TK2: variants seen among roughly 807,000 people sequenced by gnomAD.
The protein encoded by TK2 is thymidine kinase 2, mitochondrial.
In TK2, 35 loss-of-function variants were observed where a neutral mutation model predicts 41.9. That is an observed-to-expected ratio of 0.84 (90% CI 0.64 to 1.11). The LOEUF (loss-of-function observed/expected upper bound fraction) is 1.11, where lower values mean the gene tolerates loss of function less well. TK2 is among the 50% of genes least tolerant of loss of function. The pLI is 0.00. For missense variants in TK2, 320 were observed against 351.1 expected (o/e 0.91, Z 0.71); for synonymous variants, 128 against 129.1 (o/e 0.99, Z 0.06).
rs750173008 is a variant in TK2, at chr16:66,531,378, A to T, written c.375+2T>A. Reference sequence around the variant, plus strand: ...GGCTGAAACTGAGCATCTGAAACCTACCTGAGGACGAGTATGCCTGTCCAG... The same window carrying T: ...GGCTGAAACTGAGCATCTGAAACCTTCCTGAGGACGAGTATGCCTGTCCAG... On this transcript the variant is annotated splice_donor_variant, in intron 5 of 9. Transcript: ENST00000544898. LOFTEE classifies it high-confidence loss of function. 1 of 1,614,166 alleles carries T rather than the reference A, an allele frequency of 6.2e-7. No individual in the cohort carries two copies. The highest frequency in any genetic ancestry group is 1.7e-5 in the Admixed American group (1 of 60,022).
At chr16:66,519,765 G>T (rs1964725104) in intron 6 of TK2, among the ~76,000 whole-genome samples, 3 of 152,208 alleles carry the variant, frequency 2.0e-5, no homozygotes, top group Admixed American at 1.3e-4. Context: ...CTCAGAGCTG[G>T]GTTCGGCAAG....
At position 66,517,827 on chromosome 16, in the gene TK2, C is replaced by T; in HGVS notation, c.500G>A (p.Trp167Ter). Residue 167 changes from tryptophan (W) to a stop codon, truncating the protein, a stop_gained, in exon 7 of 10, where the codon TGG becomes TAG. Transcript: ENST00000544898. LOFTEE classifies it high-confidence loss of function. This position sits in a 1 kb window ranked among gnomAD's most constrained non-coding sequence, Gnocchi z 4.3. ...AGACACGTCCATGTTCCTCAAGATC[C>T]AGTCAAACCATTCCGACAGAACTAC... ...DYVVLSEWFD[W>*]ILRNMDVSVD... 6.2e-7 allele frequency: 1 copy of T among 1,614,188 alleles called. No homozygotes were observed. The highest frequency in any genetic ancestry group is 8.5e-7 in the Non-Finnish European group (1 of 1,180,016).
intron 6 of TK2, among the ~76,000 whole-genome samples, chr16:66,527,055 T>C (rs560265189): frequency 1.3e-5 from 2 of 152,272 alleles, no homozygotes; most frequent in Admixed American, 1.3e-4. Flanking sequence ...GTCCTGCCTG[T>C]CCTCCCTCTG....
At position 66,510,449 on chromosome 16, in the gene TK2, T is replaced by G. The variant is rs1017948654; in HGVS notation, c.*1519A>C. On this transcript the variant is annotated 3_prime_UTR_variant, in exon 10 of 10. Transcript: ENST00000544898. ...TGGCTGCTGCCTCTCATCCTGCCAA[T>G]GGCACAAGAACTGGTCCAAACAGGA... The G allele has an allele frequency of 6.6e-6, 1 of 152,256 alleles. No individual in the cohort carries two copies. The highest frequency in any genetic ancestry group is 2.4e-5 in the African/African-American group (1 of 41,460). The allele number at this position is 152,256 out of a possible 1,614,324, so 9.4% of individuals were successfully genotyped here. A position where few individuals can be genotyped will look rare whatever the true frequency, so the allele number is the denominator to read the frequency against.
intron 9 of TK2, among the ~76,000 whole-genome samples, chr16:66,512,645 T>C (rs1157095449): frequency 3.3e-5 from 5 of 152,042 alleles, no homozygotes; most frequent in Non-Finnish European, 4.4e-5. Context: ...TATCCAGGCA[T>C]GGTGGCATGC....
At chr16:66,518,068 A>G in intron 6 of TK2, 191 bp from the exon 7 acceptor site, 1 of 645,058 alleles carries the variant, frequency 1.6e-6, no homozygotes, top group Non-Finnish European at 2.8e-6. Flanking sequence ...GCTGCCTGGG[A>G]GCGGCTTATG....
chr16:66,515,076 A>G (rs1293258403), intron 8 of TK2, among the ~76,000 whole-genome samples: 5 of 151,960 alleles, frequency 3.3e-5, no homozygotes, highest in Admixed American at 3.3e-4. Context: ...ACCTTTGTTC[A>G]CATGTTTATC....
At chr16:66,534,283 C>T (rs1232576978) in intron 4 of TK2, among the ~76,000 whole-genome samples, 1 of 152,176 alleles carries the variant, frequency 6.6e-6, no homozygotes, top group Non-Finnish European at 1.5e-5. Flanking sequence ...AAATAAATTA[C>T]TTTTCTTTGG....
chr16:66,519,866 C>T (rs1005380154), intron 6 of TK2, among the ~76,000 whole-genome samples: 19 of 152,044 alleles, frequency 1.2e-4, no homozygotes, highest in African/African-American at 4.1e-4. Context: ...TCCAGTCCCA[C>T]GAGGGGATGA....
In TK2 at chr16:66,517,713, T is replaced by C; in HGVS notation, c.538+76A>G. Reference sequence around the variant, plus strand: ...GTGCCTCACCCACTGCCCCCAAGGGTTGGGGCCCAGCCAAGCACATCCTCA... The same window carrying C: ...GTGCCTCACCCACTGCCCCCAAGGGCTGGGGCCCAGCCAAGCACATCCTCA... On this transcript the variant is annotated intron_variant, in intron 7 of 9. Transcript: ENST00000544898. The surrounding 1 kb of genome is among the most constrained non-coding windows in gnomAD (Gnocchi z 4.3). The C allele has an allele frequency of 7.0e-7, 1 of 1,435,814 alleles. No individual in the cohort carries two copies. Among genetic ancestry groups the C allele is most frequent in the South Asian group, 1.1e-5 (1 of 87,418 alleles). The allele number at this position is 1,435,814 out of a possible 1,614,324, so 88.9% of individuals were successfully genotyped here.
intron 2 of TK2, chr16:66,548,149 G>A (rs80350844): frequency 0.011 from 4,490 of 396,256 alleles, 41 homozygotes; most frequent in Non-Finnish European, 0.018. Context: ...GCACCCGCTG[G>A]CATATCCTTC....
rs1287809582 is a variant in TK2, at chr16:66,508,119, G to C, written c.*3849C>G. ...ACCTGTGTTCCACAGAGCCCAGTCT[G>C]GTAAACAACAGTCTTAAAGAAAAAA... On this transcript the variant is annotated 3_prime_UTR_variant, in exon 10 of 10. Transcript: ENST00000544898. The C allele has an allele frequency of 6.6e-6, 1 of 152,088 alleles. No individual in the cohort carries two copies. Among genetic ancestry groups the C allele is most frequent in the Non-Finnish European group, 1.5e-5 (1 of 68,030 alleles). The allele number at this position is 152,088 out of a possible 1,614,324, so 9.4% of individuals were successfully genotyped here.
Position 66,512,056 on chromosome 16 carries a change from G to A in TK2, c.710C>T (p.Ala237Val). ...TAACATCCTCTCCATGTGGTGGTCA[G>A]CCTCAATCACCTGGAAATTAGACAC... Reference protein sequence around the residue: ...PMAAPVLVIEADHHMERMLEL... With the variant: ...PMAAPVLVIEVDHHMERMLEL... Residue 237 changes from alanine (A) to valine (V), a missense_variant, in exon 10 of 10, where the codon GCT becomes GTT. By Grantham distance (64) the Ala-to-Val change is moderately conservative. Transcript: ENST00000544898. The A allele has an allele frequency of 6.2e-7, 1 of 1,614,168 alleles. No homozygotes were observed.
In TK2 at chr16:66,529,067, C is replaced by T. The variant is rs767386957; in HGVS notation, c.376G>A (p.Val126Met). The change falls in exon 6 of 10, where the codon GTG (valine) becomes ATG (methionine). Residue 126 changes from valine to methionine, a missense_variant and splice_region_variant. Coordinates refer to ENST00000544898, the MANE Select transcript of TK2 (RefSeq NM_004614.5). Reference protein sequence around the residue: ...TMLDRHTRPQVSSVRLMERSI... With the variant: ...TMLDRHTRPQMSSVRLMERSI... ...CTCTCCATCAACCGTACAGATGACA[C>T]CTAAAGGAAAACAAAAAGAGAATCA... is the stretch of plus-strand genomic sequence containing the variant. 7 of 1,613,724 alleles carry T rather than the reference C, an allele frequency of 4.3e-6. No individual in the cohort carries two copies. In the African/African-American group the frequency reaches 6.7e-5, roughly 15 times the overall value.
chr16:66,531,106 C>T (rs539763748), intron 5 of TK2, among the ~76,000 whole-genome samples: 4 of 152,288 alleles, frequency 2.6e-5, no homozygotes, highest in South Asian at 4.1e-4. Flanking sequence ...CTGAGTTAAA[C>T]GGCATTAAGC....
At chr16:66,524,738 C>A (rs1045714676) in intron 6 of TK2, 5 of 152,280 alleles carry the variant, frequency 3.3e-5, no homozygotes, top group African/African-American at 1.2e-4. Flanking sequence ...GCCTCTCAGG[C>A]CCCACCTCAG....
rs967493591 is a variant in TK2, at chr16:66,549,951, C to T, written c.111G>A (p.Arg37=). 1.5e-6 allele frequency: 2 copies of T among 1,367,538 alleles called. No individual in the cohort carries two copies. Among genetic ancestry groups the T allele is most frequent in the Non-Finnish European group, 1.9e-6 (2 of 1,069,184 alleles). The allele number at this position is 1,367,538 out of a possible 1,614,324, so 84.7% of individuals were successfully genotyped here. ...GACGCGCGTTACCGGGAGGCCAGGC[C>T]CGGCGCTGCACCCTCCGCGGCCCGG... ...SGPGPRRVQR[R]AWPPDKEQEK... Residue 37 remains arginine (R), a synonymous_variant, in exon 1 of 10, where the codon CGG becomes CGA. Transcript: ENST00000544898.
At chr16:66,547,760 C>A (rs771098642) in intron 2 of TK2, among the ~76,000 whole-genome samples, 18 of 152,272 alleles carry the variant, frequency 1.2e-4, no homozygotes, top group Non-Finnish European at 1.8e-4. Flanking sequence ...GTGCCCAGGT[C>A]CTAGCCCAGT....
intron 3 of TK2, among the ~76,000 whole-genome samples, chr16:66,539,025 G>C (rs1227016943): frequency 6.6e-6 from 1 of 152,190 alleles, no homozygotes; most frequent in African/African-American, 2.4e-5. Context: ...TTGTGAGGGT[G>C]AGATCATTTA....
Sources: gnomAD v4.1 joint callset for allele counts (sites outside exome capture counted in the v4.1 genomes callset) on GRCh38, gnomAD v4.1.1 for gene constraint, Gnocchi (gnomAD v3.1) non-coding constraint, MANE v1.5 for transcripts, NCBI Gene and HGNC (gene_info 2026-07-23, HGNC 2026-07-21) for gene names.